The following ZMYM4 variants were observed in gnomAD, a reference collection of about 807,000 sequenced individuals.
The protein encoded by ZMYM4 is zinc finger MYM-type protein 4.
ZMYM4 carries 31 observed loss-of-function variants against 183.2 expected under a neutral mutation model. That is an observed-to-expected ratio of 0.17 (90% confidence interval 0.13 to 0.23). The LOEUF (loss-of-function observed/expected upper bound fraction) is 0.23. Among genes scored for constraint, ZMYM4 ranks in the 10% least tolerant of loss-of-function variants. ZMYM4 has a pLI of 1.00. For synonymous variants in ZMYM4, 592 were observed against 631.2 expected, an observed-to-expected ratio of 0.94 and a Z score of 0.93; for missense variants, 1,273 against 1,840.3, an observed-to-expected ratio of 0.69 and a Z score of 5.64.
chr1:35,282,986 T>TG (rs1640259551), intron 1 of ZMYM4, among the ~76,000 whole-genome samples: 1 of 65,092 alleles, frequency 1.5e-5, no homozygotes, highest in Non-Finnish European at 2.4e-5. Flanking sequence ...TGTGGTTTTT[T>TG]TTTTTTTTTT....
chr1:35,370,823 T>A, intron 7 of ZMYM4, 196 bp downstream of exon 7: 1 of 604,256 alleles, frequency 1.7e-6, no homozygotes, highest in Non-Finnish European at 2.4e-6. Context: ...GTGCTCAGCT[T>A]GTTTTTTAGC....
chr1:35,337,821 TC>T (rs1643038802), intron 2 of ZMYM4, among the ~76,000 whole-genome samples: 1 of 151,822 alleles, frequency 6.6e-6, no homozygotes, highest in African/African-American at 2.4e-5. Flanking sequence ...CACCTGCAAT[TC>T]CAGCTACTTG....
chr1:35,412,734 A>T (rs1639963646), intron 26 of ZMYM4, among the ~76,000 whole-genome samples: 1 of 152,182 alleles, frequency 6.6e-6, no homozygotes, highest in African/African-American at 2.4e-5. Context: ...TTAAAAGAAG[A>T]AAAAGAGGAA....
chr1:35,298,053 A>G (rs1641103629), intron 1 of ZMYM4, among the ~76,000 whole-genome samples: 1 of 152,224 alleles, frequency 6.6e-6, no homozygotes, highest in Non-Finnish European at 1.5e-5. Flanking sequence ...GGCAAAGTTA[A>G]CAAGGATGGA....
intron 1 of ZMYM4, among the ~76,000 whole-genome samples, chr1:35,277,281 C>T (rs1639923653): frequency 6.6e-6 from 1 of 152,112 alleles, no homozygotes; most frequent in South Asian, 2.1e-4. Context: ...GTTGGTAGAG[C>T]TTGATGAGTT....
rs528466367 is a variant in ZMYM4 at position 35,410,519 on chromosome 1, C to T, written c.3948+2360C>T. 2.4e-4 allele frequency among the ~76,000 whole-genome samples: 36 copies of T among 151,794 alleles called. No individual in the cohort carries two copies. In the South Asian group the frequency reaches 4.0e-3, roughly 17 times the overall value. On this transcript the variant is annotated intron_variant, in intron 26 of 29. Coordinates refer to ENST00000314607, the MANE Select transcript of ZMYM4 (RefSeq NM_005095.3). ...ATTTATTTATTTTGAGATGGAGTCT[C>T]GCTCTGTCGCCCAGGCTGGAGTGCA...
At chr1:35,332,692 A>ATAT (rs1039426929) in intron 2 of ZMYM4, among the ~76,000 whole-genome samples, 4 of 151,744 alleles carry the variant, frequency 2.6e-5, no homozygotes, top group East Asian at 1.9e-4. Flanking sequence ...GGCATAAGTT[A>ATAT]TATTATTATT....
intron 1 of ZMYM4, among the ~76,000 whole-genome samples, chr1:35,280,108 T>C (rs1177839295): frequency 6.6e-6 from 1 of 151,852 alleles, no homozygotes; most frequent in Non-Finnish European, 1.5e-5. Flanking sequence ...TCTTTCTTTT[T>C]GTTACTTTCT....
intron 1 of ZMYM4, chr1:35,310,435 TA>T: frequency 5.9e-6 from 1 of 169,824 alleles, no homozygotes; most frequent in Non-Finnish European, 1.3e-5. Context: ...TGAAAATAAA[TA>T]AATAAAAATA....
rs771845991 is a variant in ZMYM4, at chr1:35,385,433, T to C, written c.1570-9T>C. 1 of 1,604,070 alleles carries C rather than the reference T, an allele frequency of 6.2e-7. No homozygotes were observed. Among genetic ancestry groups the C allele is most frequent in the South Asian group, 1.1e-5 (1 of 88,070 alleles). On this transcript the variant is annotated splice_polypyrimidine_tract_variant and intron_variant, in intron 9 of 29. Transcript: ENST00000314607. ...GTTAAAAATGAATGTTGTTTTATTC[T>C]CTTAATAGAAATCAGCCAAAATTAC...
At chr1:35,287,529 C>CA (rs1419819566) in intron 1 of ZMYM4, among the ~76,000 whole-genome samples, 2 of 152,084 alleles carry the variant, frequency 1.3e-5, no homozygotes, top group Non-Finnish European at 2.9e-5. Context: ...TCTTCCCTGC[C>CA]AATTACTTGC....
intron 1 of ZMYM4, among the ~76,000 whole-genome samples, chr1:35,289,426 C>T (rs1001029531): frequency 6.6e-6 from 1 of 152,108 alleles, no homozygotes; most frequent in Non-Finnish European, 1.5e-5. Context: ...CCACTAACCC[C>T]TAGGTAGCAG....
At chr1:35,315,719 G>GCC (rs1325379891) in intron 1 of ZMYM4, among the ~76,000 whole-genome samples, 1 of 152,102 alleles carries the variant, frequency 6.6e-6, no homozygotes, top group East Asian at 1.9e-4. Context: ...GATCGCTTTA[G>GCC]CCTGGGGGTT....
chr1:35,382,181 T>TACACACACACAC (rs59402643), intron 9 of ZMYM4, among the ~76,000 whole-genome samples: 1 of 133,544 alleles, frequency 7.5e-6, no homozygotes, highest in Non-Finnish European at 1.6e-5. Context: ...TATACACACA[T>TACACACACACAC]ACACACACAC....
intron 1 of ZMYM4, among the ~76,000 whole-genome samples, chr1:35,283,900 T>G (rs1031342591): frequency 2.0e-5 from 3 of 152,292 alleles, no homozygotes; most frequent in Admixed American, 2.0e-4. Flanking sequence ...TTACAAATAT[T>G]TTTTTCCCAT....
In ZMYM4 at chr1:35,351,087, G is replaced by A. The variant is rs1052548784; in HGVS notation, c.86-7838G>A. ...GGACAAGATCTGTGAATGCCAAGTG[G>A]AGGTGACTGGTGGTAAATACAATGT... On this transcript the variant is annotated intron_variant, in intron 2 of 29. Coordinates refer to ENST00000314607, the MANE Select transcript of ZMYM4 (RefSeq NM_005095.3). 5.9e-6 allele frequency: 5 copies of A among 851,988 alleles called. No individual in the cohort carries two copies. In the African/African-American group the frequency reaches 8.3e-5, roughly 14 times the overall value. 52.8% of individuals were successfully genotyped at this position (851,988 alleles called of 1,614,324 possible).
At chr1:35,402,116 T>TA (rs35016137) in intron 23 of ZMYM4, among the ~76,000 whole-genome samples, 3,230 of 124,748 alleles carry the variant, frequency 0.026, 72 homozygotes, top group African/African-American at 0.068. Context: ...TCAATTTCTT[T>TA]AAAAAAAAAA....
At chr1:35,289,022 A>G (rs1238416807) in intron 1 of ZMYM4, among the ~76,000 whole-genome samples, 3 of 152,246 alleles carry the variant, frequency 2.0e-5, no homozygotes, top group Admixed American at 1.3e-4. Flanking sequence ...TGGACAAAGA[A>G]TAATAAGGAA....
At chr1:35,341,264 T>TATTGTTAAAATAAA (rs1553169851) in intron 2 of ZMYM4, among the ~76,000 whole-genome samples, 2 of 152,136 alleles carry the variant, frequency 1.3e-5, no homozygotes, top group African/African-American at 4.8e-5. Context: ...AACATGATTT[T>TATTGTTAAAATAAA]ATATACTTTC....
Sources: allele counts gnomAD v4.1 joint callset (sites outside exome capture counted in the v4.1 genomes callset), GRCh38; gene constraint gnomAD v4.1.1; transcripts MANE v1.5; gene names NCBI Gene and HGNC (gene_info 2026-07-23, HGNC 2026-07-21).